MMAA: variants seen among roughly 807,000 people sequenced by gnomAD.
MMAA encodes metabolism of cobalamin associated A.
A neutral mutation model predicts 45.0 loss-of-function variants in MMAA; 41 were observed. The ratio of observed to expected loss-of-function variants is 0.91; its 90% CI spans 0.71 to 1.18. The LOEUF (loss-of-function observed/expected upper bound fraction) is 1.18. Ranked by LOEUF, MMAA falls within the 50% of genes most tolerant of loss-of-function variation. MMAA has a pLI of 0.00. For missense variants in MMAA, 460 were observed against 495.7 expected (o/e 0.93, Z 0.68); for synonymous variants, 154 against 178.2 (o/e 0.86, Z 1.08).
intron 1 of MMAA, among the ~76,000 whole-genome samples, chr4:145,628,267 C>A (rs1043944214): frequency 9.9e-5 from 15 of 152,126 alleles, no homozygotes; most frequent in African/African-American, 2.7e-4. Flanking sequence ...TATTAGTTTC[C>A]TATAGCTCTG....
At chr4:145,625,755 C>G (rs1378810458) in intron 1 of MMAA, 2 of 1,321,150 alleles carry the variant, frequency 1.5e-6, no homozygotes, top group Non-Finnish European at 2.2e-6. Context: ...GCCTGATAAC[C>G]AGTAGAGCTG....
At chr4:145,650,957 G>A in intron 4 of MMAA, 105 bp from the exon 5 acceptor site, 2 of 971,904 alleles carry the variant, frequency 2.1e-6, no homozygotes, top group South Asian at 1.3e-5. Context: ...TTGACTGTGT[G>A]ACCATGAGTA....
At chr4:145,624,453 T>A in intron 1 of MMAA, 2 of 833,048 alleles carry the variant, frequency 2.4e-6, no homozygotes, top group East Asian at 4.8e-5. Context: ...TTTGCCAGCT[T>A]TGTCTTCAGT....
intron 1 of MMAA, among the ~76,000 whole-genome samples, chr4:145,638,364 G>C (rs1343405293): frequency 2.8e-5 from 4 of 144,436 alleles, no homozygotes; most frequent in Non-Finnish European, 5.9e-5. Flanking sequence ...GTGAGACTCC[G>C]TCTCAAAAAA....
rs1431886622 is a variant in MMAA at position 145,639,444 on chromosome 4, C to T, written c.305C>T (p.Ala102Val). Residue 102 changes from alanine to valine, a missense_variant, in exon 2 of 7, where the codon GCA (alanine) becomes GTA (valine). Coordinates refer to ENST00000649156, the MANE Select transcript of MMAA (RefSeq NM_172250.3). ...GLIQGQRACL[A>V]EAITLVESTH... is the part of the protein sequence containing the mutation. ...ATCCAAGGGCAAAGGGCCTGTTTAG[C>T]AGAGGCCATAACTCTTGTAGAATCA... is the stretch of plus-strand genomic sequence containing the variant. The T allele has an allele frequency of 5.0e-6, 8 of 1,614,028 alleles. No homozygotes were observed. The Admixed American group carries it at 6.7e-5, about 13-fold the overall frequency.
At chr4:145,645,507 C>T (rs1011035295) in intron 3 of MMAA, among the ~76,000 whole-genome samples, 1 of 152,164 alleles carries the variant, frequency 6.6e-6, no homozygotes, top group African/African-American at 2.4e-5. Flanking sequence ...GGTAAAGTGA[C>T]CTCTCAAAAT....
rs929423691 is a variant in MMAA, at chr4:145,659,823, T to A, written c.*4389T>A. On this transcript the variant is annotated 3_prime_UTR_variant, in exon 7 of 7. Transcript: ENST00000649156. ...TCTTTGTGGCGAGAACATTTAAAAA[T>A]CCTATTTTCTAGCTATTTTGTAATA... 6.6e-6 allele frequency: 1 copy of A among 152,158 alleles called. No individual in the cohort carries two copies. The highest frequency in any genetic ancestry group is 1.5e-5 in the Non-Finnish European group (1 of 68,034). The allele number at this position is 152,158 out of a possible 1,614,324, so 9.4% of individuals were successfully genotyped here.
intron 2 of MMAA, 164 bp from the exon 3 acceptor site, chr4:145,642,199 G>A: frequency 1.3e-6 from 1 of 799,030 alleles, no homozygotes; most frequent in Non-Finnish European, 2.0e-6. Context: ...AGGAATTAAA[G>A]AAACAGATTT....
At chr4:145,636,853 G>A (rs751883132) in intron 1 of MMAA, among the ~76,000 whole-genome samples, 6 of 152,196 alleles carry the variant, frequency 3.9e-5, no homozygotes, top group Non-Finnish European at 7.3e-5. Flanking sequence ...AATGAACGAG[G>A]CATTGTACCT....
At position 145,648,723 on chromosome 4, in the gene MMAA, G is replaced by A. The variant is rs142166594; in HGVS notation, c.734-2339G>A. Reference sequence around the variant, plus strand: ...ACCTAGAGCGGGCATTGTGGCCCCAGCCTGTAATCCCAGCACTTTGGGAGG... The same window carrying A: ...ACCTAGAGCGGGCATTGTGGCCCCAACCTGTAATCCCAGCACTTTGGGAGG... On this transcript the variant is annotated intron_variant, in intron 4 of 6. Transcript: ENST00000649156. Among the ~76,000 whole-genome samples, 462 of 152,278 alleles carry A rather than the reference G, an allele frequency of 3.0e-3. 9 individuals carry two copies. The highest frequency in any genetic ancestry group is 6.8e-3 in the East Asian group (35 of 5,178).
intron 1 of MMAA, among the ~76,000 whole-genome samples, chr4:145,628,680 GC>G (rs1734254950): frequency 6.6e-6 from 1 of 152,096 alleles, no homozygotes; most frequent in Non-Finnish European, 1.5e-5. Flanking sequence ...TTCCCTATTT[GC>G]CATATAACAT....
intron 5 of MMAA, among the ~76,000 whole-genome samples, chr4:145,652,580 A>G (rs1050891142): frequency 1.3e-5 from 2 of 152,032 alleles, no homozygotes; most frequent in Admixed American, 6.5e-5. Flanking sequence ...TACAAAAAAA[A>G]TTAGCCGGGC....
At chr4:145,621,514 G>T (rs1263744586) in intron 1 of MMAA, among the ~76,000 whole-genome samples, 5 of 152,114 alleles carry the variant, frequency 3.3e-5, no homozygotes, top group Admixed American at 2.0e-4. Context: ...TTTAAAAGTT[G>T]CTTATTTAAG....
intron 1 of MMAA, among the ~76,000 whole-genome samples, chr4:145,633,196 C>CT (rs941603291): frequency 0.12 from 10,606 of 88,528 alleles, 1,089 homozygotes; most frequent in African/African-American, 0.17. Context: ...ATTTCTTTTT[C>CT]TTTTTTTTTT....
intron 5 of MMAA, among the ~76,000 whole-genome samples, chr4:145,653,042 T>A (rs1167921156): frequency 2.6e-5 from 4 of 152,092 alleles, no homozygotes; most frequent in East Asian, 1.9e-4. Flanking sequence ...GCTAATTTTT[T>A]AATTTTTTTT....
intron 1 of MMAA, among the ~76,000 whole-genome samples, chr4:145,628,768 T>G (rs530368238): frequency 4.6e-5 from 7 of 152,306 alleles, no homozygotes; most frequent in Admixed American, 2.0e-4. Context: ...TAGTAACATA[T>G]GCTGTTTTTA....
rs1432127924 is a variant in MMAA, at chr4:145,656,491, A to G, written c.*1057A>G. 1 of 152,190 alleles carries G rather than the reference A, an allele frequency of 6.6e-6. No individual in the cohort carries two copies. The highest frequency in any genetic ancestry group is 6.5e-5 in the Admixed American group (1 of 15,278). The allele number at this position is 152,190 out of a possible 1,614,324, so 9.4% of individuals were successfully genotyped here. On this transcript the variant is annotated 3_prime_UTR_variant, in exon 7 of 7. Transcript: ENST00000649156. Reference sequence around the variant, plus strand: ...AGGAAATACTCGAAGGCTGCTTACTATCCTTATTACATTAAAGTTATGGGT... The same window carrying G: ...AGGAAATACTCGAAGGCTGCTTACTGTCCTTATTACATTAAAGTTATGGGT...
At position 145,656,399 on chromosome 4, in the gene MMAA, C is replaced by T. The variant is rs1233482437; in HGVS notation, c.*965C>T. On this transcript the variant is annotated 3_prime_UTR_variant, in exon 7 of 7. Coordinates refer to ENST00000649156, the MANE Select transcript of MMAA (RefSeq NM_172250.3). ...GTATATTAGCTACATGAGCTAATCT[C>T]TTTAAGCTTCCATTTCCTCCCTGGT... The T allele has an allele frequency of 1.3e-5, 2 of 152,136 alleles. No individual in the cohort carries two copies. Among genetic ancestry groups the T allele is most frequent in the Non-Finnish European group, 2.9e-5 (2 of 68,010 alleles). The allele number at this position is 152,136 out of a possible 1,614,324, so 9.4% of individuals were successfully genotyped here.
In MMAA at chr4:145,659,032, C is replaced by T. The variant is rs1052482695; in HGVS notation, c.*3598C>T. 6.6e-6 allele frequency: 1 copy of T among 152,138 alleles called. No individual in the cohort carries two copies. Among genetic ancestry groups the T allele is most frequent in the Non-Finnish European group, 1.5e-5 (1 of 68,034 alleles). The allele number at this position is 152,138 out of a possible 1,614,324, so 9.4% of individuals were successfully genotyped here. On this transcript the variant is annotated 3_prime_UTR_variant, in exon 7 of 7. Coordinates refer to ENST00000649156, the MANE Select transcript of MMAA (RefSeq NM_172250.3). ...GTGTCAGAGTGGTGGCTGGCACCAA[C>T]GGTAGATGTTCTCAACATTAGCGTT...
Sources: allele counts gnomAD v4.1 joint callset (sites outside exome capture counted in the v4.1 genomes callset), GRCh38; gene constraint gnomAD v4.1.1; transcripts MANE v1.5; gene names NCBI Gene and HGNC (gene_info 2026-07-23, HGNC 2026-07-21).